The following CDKAL1 variants were observed in gnomAD, a reference collection of about 807,000 sequenced individuals.
CDKAL1 encodes the protein threonylcarbamoyladenosine tRNA methylthiotransferase.
In CDKAL1, 32 loss-of-function variants were observed where a neutral mutation model predicts 68.2. The ratio of observed to expected loss-of-function variants is 0.47; its 90% CI spans 0.35 to 0.63. The LOEUF (loss-of-function observed/expected upper bound fraction) is 0.63, where lower values mean the gene tolerates loss of function less well. Ranked by LOEUF, CDKAL1 falls within the 30% of genes least tolerant of loss-of-function variation. The probability of loss-of-function intolerance (pLI) is 0.00; values close to 1 mark genes in which losing one functional copy is unlikely to be tolerated. For synonymous variants in CDKAL1, 234 were observed against 244.3 expected (o/e 0.96, Z 0.39); for missense variants, 606 against 696.7 (o/e 0.87, Z 1.47).
At chr6:20,984,990 A>ATCAC (rs1766375200) in intron 10 of CDKAL1, among the ~76,000 whole-genome samples, 1 of 152,180 alleles carries the variant, frequency 6.6e-6, no homozygotes, top group South Asian at 2.1e-4. Flanking sequence ...CTACTACTGT[A>ATCAC]TCACTAATAG....
chr6:20,846,432 C>T (rs1182878764), intron 9 of CDKAL1, among the ~76,000 whole-genome samples: 1 of 152,158 alleles, frequency 6.6e-6, no homozygotes, highest in East Asian at 1.9e-4. Flanking sequence ...TTATCACCCA[C>T]CTCTAGACTC....
chr6:20,613,521 C>T (rs1218915490), intron 4 of CDKAL1, among the ~76,000 whole-genome samples: 1 of 150,906 alleles, frequency 6.6e-6, no homozygotes, highest in Non-Finnish European at 1.5e-5. Flanking sequence ...GTGACCTGCC[C>T]TCCTCGGCCT....
chr6:21,199,759 C>A (rs1032144504), intron 14 of CDKAL1, among the ~76,000 whole-genome samples: 1 of 152,162 alleles, frequency 6.6e-6, no homozygotes, highest in Non-Finnish European at 1.5e-5. Context: ...TAGAGATTTT[C>A]TTATTTTATA....
At chr6:20,820,673 C>T (rs954747759) in intron 8 of CDKAL1, among the ~76,000 whole-genome samples, 1 of 152,108 alleles carries the variant, frequency 6.6e-6, no homozygotes, top group Non-Finnish European at 1.5e-5. Flanking sequence ...GGTTCGGCTA[C>T]TCTTTTGCTG....
At chr6:20,688,082 T>C (rs1361646522) in intron 5 of CDKAL1, among the ~76,000 whole-genome samples, 6 of 152,120 alleles carry the variant, frequency 3.9e-5, no homozygotes, top group Non-Finnish European at 5.9e-5. Flanking sequence ...AGAAGTAAAA[T>C]GTAATTCTTA....
At chr6:20,959,108 T>C (rs184823820) in intron 10 of CDKAL1, among the ~76,000 whole-genome samples, 1 of 152,314 alleles carries the variant, frequency 6.6e-6, no homozygotes, top group Admixed American at 6.5e-5. Context: ...GCACTTTATA[T>C]AGCAAATACT....
intron 10 of CDKAL1, among the ~76,000 whole-genome samples, chr6:20,958,397 A>G (rs1764892936): frequency 6.6e-6 from 1 of 152,148 alleles, no homozygotes; most frequent in African/African-American, 2.4e-5. Context: ...TGTAACAGAA[A>G]AGGTGACTGA....
chr6:20,991,706 CAAAAAAAAAA>C (rs35504365), intron 10 of CDKAL1, among the ~76,000 whole-genome samples: 1 of 59,620 alleles, frequency 1.7e-5, no homozygotes, highest in Non-Finnish European at 3.1e-5. Flanking sequence ...TATTCCCTCT[CAAAAAAAAAA>C]AAAAAAAAAA....
chr6:20,837,937 T>TTGTGTGTGTGTGTG (rs531904726), intron 8 of CDKAL1, among the ~76,000 whole-genome samples: 26 of 123,202 alleles, frequency 2.1e-4, no homozygotes, highest in Admixed American at 6.6e-4. Flanking sequence ...TGGGAAGAAA[T>TTGTGTGTGTGTGTG]TGTGTGTGTG....
chr6:20,613,709 A>T (rs1326458173), intron 4 of CDKAL1, among the ~76,000 whole-genome samples: 1 of 150,564 alleles, frequency 6.6e-6, no homozygotes, highest in African/African-American at 2.4e-5. Context: ...TATTCTAGAC[A>T]TTTTTGTTGT....
rs1471714123 is a variant in CDKAL1 at position 20,899,622 on chromosome 6, T to C, written c.742+53444T>C. Among the ~76,000 whole-genome samples the C allele has an allele frequency of 2.6e-5, 4 of 152,214 alleles. No homozygotes were observed. In the East Asian group the frequency reaches 7.8e-4, roughly 30 times the overall value. On this transcript the variant is annotated intron_variant, in intron 9 of 15. Coordinates refer to ENST00000274695, the MANE Select transcript of CDKAL1 (RefSeq NM_017774.3). ...ACTTTGGGAGCCCGAGGCAGGCAGATCACCGAGGTAAGGAGTTCGAGACCA... is the reference window on the plus strand; with the variant it reads ...ACTTTGGGAGCCCGAGGCAGGCAGACCACCGAGGTAAGGAGTTCGAGACCA...
chr6:21,171,960 T>G (rs985412644), intron 13 of CDKAL1, among the ~76,000 whole-genome samples: 12 of 152,222 alleles, frequency 7.9e-5, no homozygotes, highest in African/African-American at 2.9e-4. Flanking sequence ...AAGATTCATG[T>G]GTAGCAATGG....
chr6:20,559,108 A>G (rs1348014847), intron 4 of CDKAL1: 13 of 151,506 alleles, frequency 8.6e-5, no homozygotes, highest in Admixed American at 8.5e-4. Flanking sequence ...TTGTTATTTT[A>G]TGAAGCACAA....
chr6:20,649,549 T>C lies in CDKAL1; in HGVS notation c.371+172T>C, dbSNP rs1309476290. The stretch of plus-strand genomic sequence containing the variant: ...TTGTCTGATACAGAATGATGCTTTT[T>C]TTATTTTTTATTTTTAAATTAAATT... On this transcript the variant is annotated intron_variant, in intron 5 of 15. Transcript: ENST00000274695. Among the ~76,000 whole-genome samples, 10 of 152,326 alleles carry C rather than the reference T, an allele frequency of 6.6e-5. No individual in the cohort carries two copies. The South Asian group carries it at 1.0e-3, about 16-fold the overall frequency.
At chr6:20,718,492 T>C (rs1378412278) in intron 5 of CDKAL1, among the ~76,000 whole-genome samples, 3 of 152,212 alleles carry the variant, frequency 2.0e-5, no homozygotes, top group African/African-American at 4.8e-5. Flanking sequence ...GAGTACTGTT[T>C]AGGGTTTTGA....
chr6:20,622,622 A>G (rs1767244720), intron 4 of CDKAL1, among the ~76,000 whole-genome samples: 1 of 151,844 alleles, frequency 6.6e-6, no homozygotes, highest in African/African-American at 2.4e-5. Flanking sequence ...TGCTTATTTT[A>G]TTTCTTGTGT....
chr6:20,753,144 C>T (rs1335073604), intron 6 of CDKAL1, among the ~76,000 whole-genome samples: 1 of 149,302 alleles, frequency 6.7e-6, no homozygotes, highest in Non-Finnish European at 1.5e-5. Flanking sequence ...TCAAAAAAAA[C>T]GCAGGTACTT....
chr6:21,198,149 A>G (rs1389679233), intron 14 of CDKAL1, 45 bp downstream of exon 14: 2 of 1,340,432 alleles, frequency 1.5e-6, no homozygotes, highest in Non-Finnish European at 2.1e-6. Flanking sequence ...AAAGTGAGAA[A>G]GAGTTCTGAA....
Position 21,205,830 on chromosome 6 carries a change from C to CTTTTTTTTTTTTTTTT in CDKAL1, c.1548+4563_1548+4578dup, listed in dbSNP as rs34849597. ...ACATGCGTGAGCCCCCGCGCCCAGC[C>CTTTTTTTTTTTTTTTT]TTTTTTTTTTTTTTTTTTTTTTGAG... On this transcript the variant is annotated intron_variant, in intron 15 of 15. Transcript: ENST00000274695. 4.8e-4 allele frequency among the ~76,000 whole-genome samples: 32 copies of CTTTTTTTTTTTTTTTT among 66,602 alleles called. 2 individuals are homozygous for CTTTTTTTTTTTTTTTT. The highest frequency in any genetic ancestry group is 2.1e-3 in the African/African-American group (24 of 11,510). The allele number at this position is 66,602 out of a possible 152,430, so 43.7% of individuals were successfully genotyped here. A position where few individuals can be genotyped will look rare whatever the true frequency, so the allele number is the denominator to read the frequency against.
Sources: allele counts gnomAD v4.1 joint callset (sites outside exome capture counted in the v4.1 genomes callset), GRCh38; gene constraint gnomAD v4.1.1; transcripts MANE v1.5; gene names NCBI Gene and HGNC (gene_info 2026-07-23, HGNC 2026-07-21).